The following ZFAT variants were observed in gnomAD, a reference collection of about 807,000 sequenced individuals.
ZFAT encodes the protein zinc finger and AT-hook domain containing.
ZFAT carries 64 observed loss-of-function variants against 117.7 expected under a neutral mutation model. The ratio of observed to expected loss-of-function variants is 0.54; its 90% CI spans 0.44 to 0.67. The LOEUF (loss-of-function observed/expected upper bound fraction) is 0.67, where lower values mean the gene tolerates loss of function less well. Among genes scored for constraint, ZFAT ranks in the 30% least tolerant of loss-of-function variants. ZFAT has a pLI of 0.00. For synonymous variants in ZFAT, 679 were observed against 615.0 expected (o/e 1.10, Z -1.54); for missense variants, 1,433 against 1,584.5 (o/e 0.90, Z 1.62).
rs1009416693 is a variant in ZFAT, at chr8:134,628,000, C to T, written c.448+9461G>A. ...CCAGCAATTCCAACACACCGAGGCA[C>T]GTGCGCGGCACAATGAGAAGCCCAG... is the stretch of plus-strand genomic sequence containing the variant. On this transcript the variant is annotated intron_variant, in intron 3 of 15. Transcript: ENST00000377838. 4.6e-5 allele frequency among the ~76,000 whole-genome samples: 7 copies of T among 152,078 alleles called. No individual in the cohort carries two copies. In the East Asian group the frequency reaches 9.7e-4, roughly 21 times the overall value.
intron 10 of ZFAT, among the ~76,000 whole-genome samples, chr8:134,577,066 C>T (rs912258699): frequency 6.6e-6 from 1 of 152,202 alleles, no homozygotes; most frequent in Non-Finnish European, 1.5e-5. Context: ...GTATAAACCT[C>T]CAGACAGCAC....
chr8:134,700,329 A>G (rs1833976064), intron 1 of ZFAT, among the ~76,000 whole-genome samples: 1 of 152,222 alleles, frequency 6.6e-6, no homozygotes, highest in Admixed American at 6.5e-5. Flanking sequence ...GGGGGACCCC[A>G]CAAACACCCA....
At chr8:134,784,063 G>A in the ZFAT span, 5 of 152,206 alleles carry the variant, frequency 3.3e-5, no homozygotes, top group Admixed American at 6.5e-5. Context: ...AAGGCCCCAG[G>A]TAAACAAAGG....
At chr8:134,644,577 T>A (rs976725282) in intron 2 of ZFAT, among the ~76,000 whole-genome samples, 3 of 143,372 alleles carry the variant, frequency 2.1e-5, no homozygotes, top group African/African-American at 7.9e-5. Flanking sequence ...CACAACCACA[T>A]ACACAACCCA....
At chr8:134,813,817 C>G in the ZFAT span, among the ~76,000 whole-genome samples, 4 of 150,882 alleles carry the variant, frequency 2.7e-5, no homozygotes, top group Admixed American at 2.0e-4. Context: ...CACACACACA[C>G]ACACACACAC....
chr8:134,757,975 C>T, the ZFAT span, among the ~76,000 whole-genome samples: 1 of 152,330 alleles, frequency 6.6e-6, no homozygotes, highest in East Asian at 1.9e-4. Flanking sequence ...GACTGCTGAT[C>T]AATCTGAAGT....
intron 2 of ZFAT, among the ~76,000 whole-genome samples, chr8:134,655,406 GGGAGGCCTAGGTGGGT>G (rs1831536510): frequency 6.6e-6 from 1 of 152,224 alleles, no homozygotes; most frequent in South Asian, 2.1e-4. Context: ...CCAGCATTCT[GGGAGGCCTAGGTGGGT>G]GGATTGCTTG....
the ZFAT span, among the ~76,000 whole-genome samples, chr8:134,828,805 G>C: frequency 6.6e-6 from 1 of 152,102 alleles, no homozygotes; most frequent in African/African-American, 2.4e-5. Flanking sequence ...TCCTTTGAAA[G>C]AATACATAGT....
intron 13 of ZFAT, among the ~76,000 whole-genome samples, chr8:134,513,021 C>G (rs911130235): frequency 1.3e-5 from 2 of 152,122 alleles, no homozygotes; most frequent in African/African-American, 2.4e-5. Context: ...GGAAGGGGCA[C>G]AGCCATGGGG....
intron 1 of ZFAT, among the ~76,000 whole-genome samples, chr8:134,703,788 A>G (rs1367232160): frequency 6.6e-6 from 1 of 152,226 alleles, no homozygotes; most frequent in Non-Finnish European, 1.5e-5. Flanking sequence ...ATTAGATCCA[A>G]TCCCTCCTCA....
chr8:134,787,238 A>T, the ZFAT span, among the ~76,000 whole-genome samples: 12 of 152,306 alleles, frequency 7.9e-5, no homozygotes, highest in East Asian at 2.3e-3. Context: ...ATGTTCCTTT[A>T]TGCTTTATGT....
chr8:134,802,314 A>ATTGAT, the ZFAT span, among the ~76,000 whole-genome samples: 1 of 152,244 alleles, frequency 6.6e-6, no homozygotes, highest in African/African-American at 2.4e-5. Context: ...ACCTGAGCAC[A>ATTGAT]CACAGCAAAT....
chr8:134,781,337 C>A, the ZFAT span, among the ~76,000 whole-genome samples: 1 of 152,056 alleles, frequency 6.6e-6, no homozygotes, highest in Non-Finnish European at 1.5e-5. Context: ...GTCACCCAAG[C>A]TGGTATATAC....
chr8:134,758,557 G>A, the ZFAT span, among the ~76,000 whole-genome samples: 11 of 152,206 alleles, frequency 7.2e-5, no homozygotes, highest in Non-Finnish European at 8.8e-5. Flanking sequence ...GTTGCCTCAT[G>A]TTTGCAAAAT....
At chr8:134,751,886 C>A in the ZFAT span, among the ~76,000 whole-genome samples, 1 of 152,230 alleles carries the variant, frequency 6.6e-6, no homozygotes, top group East Asian at 1.9e-4. Flanking sequence ...CTACAGAAGA[C>A]CATTTCCCTC....
At chr8:134,698,515 T>C (rs905972506) in intron 1 of ZFAT, among the ~76,000 whole-genome samples, 1 of 152,144 alleles carries the variant, frequency 6.6e-6, no homozygotes, top group East Asian at 1.9e-4. Flanking sequence ...TAATAAAGAA[T>C]GCCCTGATCA....
chr8:134,651,045 G>T (rs1311058584), intron 2 of ZFAT, among the ~76,000 whole-genome samples: 1 of 152,232 alleles, frequency 6.6e-6, no homozygotes, highest in African/African-American at 2.4e-5. Context: ...TGGCAACGAT[G>T]TGGAGAAATT....
chr8:134,623,093 G>T (rs1075858), intron 3 of ZFAT, among the ~76,000 whole-genome samples: 42,842 of 151,764 alleles, frequency 0.28, 6,422 homozygotes, highest in East Asian at 0.54. Flanking sequence ...ATGACTCCTC[G>T]CTCCATTCCC....
the ZFAT span, among the ~76,000 whole-genome samples, chr8:134,829,680 AT>A: frequency 6.6e-6 from 1 of 152,182 alleles, no homozygotes; most frequent in Non-Finnish European, 1.5e-5. Context: ...CTAGTAATTA[AT>A]TTGTTTTGCA....
Sources: allele counts gnomAD v4.1 joint callset (sites outside exome capture counted in the v4.1 genomes callset), GRCh38; gene constraint gnomAD v4.1.1; transcripts MANE v1.5; gene names NCBI Gene and HGNC (gene_info 2026-07-23, HGNC 2026-07-21).